Variants in TULP4 observed in about 807,000 individuals in gnomAD.
The protein encoded by TULP4 is TUB like protein 4.
TULP4 carries 16 observed loss-of-function variants against 129.0 expected under a neutral mutation model. That is an observed-to-expected ratio of 0.12 (90% CI 0.08 to 0.19). The LOEUF (loss-of-function observed/expected upper bound fraction) is 0.19, where lower values mean the gene tolerates loss of function less well. TULP4 is among the 10% of genes least tolerant of loss of function. The pLI, the probability that TULP4 is intolerant of heterozygous loss-of-function variation, is 1.00. For missense variants in TULP4, 1,842 were observed against 2,059.1 expected (o/e 0.89, Z 2.04); for synonymous variants, 998 against 854.0 (o/e 1.17, Z -2.94).
At chr6:158,414,414 G>A (rs1240746595) in intron 2 of TULP4, among the ~76,000 whole-genome samples, 4 of 151,832 alleles carry the variant, frequency 2.6e-5, no homozygotes, top group Non-Finnish European at 5.9e-5. Flanking sequence ...ATACTTGCCT[G>A]TGCCTCAGGA....
intron 1 of TULP4, among the ~76,000 whole-genome samples, chr6:158,318,421 G>T (rs532603699): frequency 5.3e-5 from 8 of 152,296 alleles, no homozygotes; most frequent in Admixed American, 2.0e-4. Flanking sequence ...GAAAATCCCA[G>T]GCAAACTGAG....
chr6:158,234,015 C>A (rs992008704), intron 1 of TULP4, among the ~76,000 whole-genome samples: 1 of 152,114 alleles, frequency 6.6e-6, no homozygotes, highest in African/African-American at 2.4e-5. Flanking sequence ...AAAATGTTTT[C>A]AACACAATGG....
intron 1 of TULP4, among the ~76,000 whole-genome samples, chr6:158,248,273 C>CT (rs1349886158): frequency 1.9e-3 from 270 of 145,924 alleles, no homozygotes; most frequent in African/African-American, 2.9e-3. Flanking sequence ...CAGGCCTCGT[C>CT]TTTTTTTTTT....
chr6:158,394,889 A>G (rs1013778790), intron 1 of TULP4, among the ~76,000 whole-genome samples: 7 of 151,790 alleles, frequency 4.6e-5, no homozygotes, highest in Non-Finnish European at 5.9e-5. Context: ...CTTAATAGGA[A>G]GGATGACTGG....
At chr6:158,316,639 C>T (rs1367273216) in intron 1 of TULP4, among the ~76,000 whole-genome samples, 1 of 151,998 alleles carries the variant, frequency 6.6e-6, no homozygotes, top group African/African-American at 2.4e-5. Context: ...TGTAACAAAT[C>T]ACCCCAGACT....
intron 1 of TULP4, among the ~76,000 whole-genome samples, chr6:158,317,761 T>A (rs1479392983): frequency 6.6e-6 from 1 of 152,232 alleles, no homozygotes; most frequent in Non-Finnish European, 1.5e-5. Context: ...TGAACTAGTC[T>A]ACACTCCCAC....
At chr6:158,324,029 A>G (rs1045362504) in intron 1 of TULP4, among the ~76,000 whole-genome samples, 6 of 152,178 alleles carry the variant, frequency 3.9e-5, no homozygotes, top group African/African-American at 1.4e-4. Context: ...TTGCAGGTAA[A>G]TTTACTGTAT....
chr6:158,449,211 A>G, intron 4 of TULP4, 35 bp downstream of exon 4: 1 of 1,585,954 alleles, frequency 6.3e-7, no homozygotes, highest in Non-Finnish European at 8.6e-7. Flanking sequence ...GTCACTGACC[A>G]GAAGGACAAG....
chr6:158,316,507 A>G (rs1779495876), intron 1 of TULP4, among the ~76,000 whole-genome samples: 1 of 152,216 alleles, frequency 6.6e-6, no homozygotes, highest in Non-Finnish European at 1.5e-5. Context: ...GCAAGAAATT[A>G]TGTTTTACAA....
At chr6:158,429,977 G>T in intron 3 of TULP4, 80 bp downstream of exon 3, 1 of 1,353,106 alleles carries the variant, frequency 7.4e-7, no homozygotes, top group Admixed American at 2.4e-5. Context: ...GGAGAGGGGA[G>T]CTGGTGCAAA....
In TULP4 at chr6:158,442,558, T is replaced by C. The variant is rs1375510087; in HGVS notation, c.544-6438T>C. On this transcript the variant is annotated intron_variant, in intron 3 of 13. Coordinates refer to ENST00000367097, the MANE Select transcript of TULP4 (RefSeq NM_020245.5). ...TACACATGCACCTTCCCAGGCCTCT[T>C]GGTGAGTGGCCACCCTGGGCAGTTA... is the stretch of plus-strand genomic sequence containing the variant. 2.6e-5 allele frequency among the ~76,000 whole-genome samples: 4 copies of C among 152,070 alleles called. No homozygotes were observed. The East Asian group carries it at 7.7e-4, about 29-fold the overall frequency.
intron 8 of TULP4, among the ~76,000 whole-genome samples, chr6:158,486,928 C>G (rs961770472): frequency 1.3e-5 from 2 of 151,832 alleles, no homozygotes; most frequent in African/African-American, 4.8e-5. Flanking sequence ...CTGGGCAACA[C>G]GGTGAAACCC....
intron 5 of TULP4, among the ~76,000 whole-genome samples, chr6:158,454,373 AT>A (rs1243852367): frequency 6.6e-6 from 1 of 152,114 alleles, no homozygotes; most frequent in East Asian, 1.9e-4. Context: ...TCAAAATTCT[AT>A]TTTTAAACCT....
intron 1 of TULP4, among the ~76,000 whole-genome samples, chr6:158,331,391 T>C (rs1329823861): frequency 6.6e-6 from 1 of 152,088 alleles, no homozygotes; most frequent in African/African-American, 2.4e-5. Flanking sequence ...CTTTGATTAT[T>C]TGGATTCAAA....
Position 158,502,688 on chromosome 6 carries a change from C to A in TULP4, c.3025C>A (p.Leu1009Met), listed in dbSNP as rs1165272666. ...AQLADSPRAP[L>M]QPLAKSKGGP... ...GCTGGCCGACAGCCCGCGGGCCCCC[C>A]TGCAGCCCCTGGCCAAGTCCAAGGG... Residue 1009 changes from leucine (L) to methionine (M), a missense_variant, in exon 13 of 14, where the codon CTG becomes ATG. Physicochemically the swap from Leu to Met is conservative, Grantham distance 15. Transcript: ENST00000367097. The A allele has an allele frequency of 6.4e-7, 1 of 1,558,026 alleles. No individual in the cohort carries two copies. Among genetic ancestry groups the A allele is most frequent in the Admixed American group, 1.8e-5 (1 of 56,606 alleles).
intron 1 of TULP4, among the ~76,000 whole-genome samples, chr6:158,333,724 T>A (rs1255686935): frequency 6.6e-6 from 1 of 152,032 alleles, no homozygotes; most frequent in African/African-American, 2.4e-5. Flanking sequence ...ATTGAAAAAA[T>A]TAAGAAAACG....
intron 1 of TULP4, among the ~76,000 whole-genome samples, chr6:158,324,127 G>A (rs1422168139): frequency 2.0e-5 from 3 of 152,166 alleles, no homozygotes; most frequent in African/African-American, 7.2e-5. Flanking sequence ...GAATTTGATG[G>A]ATGTTCCGCT....
At chr6:158,442,181 C>T (rs1032463065) in intron 3 of TULP4, among the ~76,000 whole-genome samples, 5 of 152,146 alleles carry the variant, frequency 3.3e-5, no homozygotes, top group Non-Finnish European at 5.9e-5. Context: ...ACCACTATTC[C>T]CCAGCTGCCA....
intron 1 of TULP4, chr6:158,242,201 A>G (rs1212198719): frequency 5.2e-6 from 5 of 966,874 alleles, no homozygotes; most frequent in Non-Finnish European, 7.0e-6. Context: ...TCTGATAATG[A>G]ATGGTGGCAA....
Sources: allele counts gnomAD v4.1 joint callset (sites outside exome capture counted in the v4.1 genomes callset), GRCh38; gene constraint gnomAD v4.1.1; transcripts MANE v1.5; gene names NCBI Gene and HGNC (gene_info 2026-07-23, HGNC 2026-07-21).